Variants in ST3GAL3 observed in about 807,000 individuals in gnomAD.
The protein encoded by ST3GAL3 is CMP-N-acetylneuraminate-beta-1,4-galactoside alpha-2,3-sialyltransferase.
ST3GAL3 carries 21 observed loss-of-function variants against 50.1 expected under a neutral mutation model. The ratio of observed to expected loss-of-function variants is 0.42; its 90% CI spans 0.30 to 0.60. The LOEUF (loss-of-function observed/expected upper bound fraction) is 0.60. ST3GAL3 is among the 20% of genes least tolerant of loss of function. ST3GAL3 has a pLI of 0.19. For missense variants in ST3GAL3, 353 were observed against 489.4 expected (o/e 0.72, Z 2.63); for synonymous variants, 183 against 190.0 (o/e 0.96, Z 0.30).
At chr1:43,763,328 ATTG>A (rs968278955) in intron 2 of ST3GAL3, among the ~76,000 whole-genome samples, 2 of 152,156 alleles carry the variant, frequency 1.3e-5, no homozygotes, top group African/African-American at 4.8e-5. Context: ...AACTTTTATC[ATTG>A]TTGTAAATGG....
intron 11 of ST3GAL3, among the ~76,000 whole-genome samples, chr1:43,927,971 G>C (rs2084310576): frequency 6.6e-6 from 1 of 152,168 alleles, no homozygotes; most frequent in East Asian, 1.9e-4. Flanking sequence ...TTTGTGATTA[G>C]CACAAGAGGT....
At chr1:43,837,121 G>GT (rs1246562623) in intron 4 of ST3GAL3, among the ~76,000 whole-genome samples, 1 of 152,162 alleles carries the variant, frequency 6.6e-6, no homozygotes, top group Non-Finnish European at 1.5e-5. Context: ...AATTTACAGT[G>GT]TATCAAGGGA....
chr1:43,894,607 C>T (rs968300019), intron 6 of ST3GAL3, 130 bp downstream of exon 6: 43 of 841,236 alleles, frequency 5.1e-5, no homozygotes, highest in Middle Eastern at 2.2e-4. Flanking sequence ...AACAAATCTT[C>T]TCTACCTTTT....
At chr1:43,875,004 A>C (rs560967848) in intron 5 of ST3GAL3, among the ~76,000 whole-genome samples, 6 of 152,334 alleles carry the variant, frequency 3.9e-5, no homozygotes, top group Admixed American at 3.3e-4. Context: ...AGACATATTC[A>C]GCTGTGTAGG....
intron 4 of ST3GAL3, among the ~76,000 whole-genome samples, chr1:43,836,578 C>T (rs530561389): frequency 6.6e-6 from 1 of 152,238 alleles, no homozygotes; most frequent in East Asian, 1.9e-4. Flanking sequence ...CTGCAGAAGG[C>T]AGCCTGGAGG....
chr1:43,855,953 CTG>C (rs984202458), intron 5 of ST3GAL3, among the ~76,000 whole-genome samples: 11 of 152,130 alleles, frequency 7.2e-5, no homozygotes, highest in African/African-American at 1.9e-4. Context: ...AACAGGCAAA[CTG>C]TTCATAAAGA....
intron 2 of ST3GAL3, among the ~76,000 whole-genome samples, chr1:43,751,746 A>C (rs1290430558): frequency 6.6e-6 from 1 of 152,200 alleles, no homozygotes; most frequent in Admixed American, 6.5e-5. Context: ...GGATAGAAAG[A>C]TGAATATAGG....
intron 9 of ST3GAL3, among the ~76,000 whole-genome samples, chr1:43,906,635 TC>T (rs1291170124): frequency 7.5e-6 from 1 of 133,808 alleles, no homozygotes; most frequent in Non-Finnish European, 1.7e-5. Context: ...CTGCCACTCT[TC>T]CCCCTCCTCC....
intron 3 of ST3GAL3, among the ~76,000 whole-genome samples, chr1:43,809,028 C>T (rs246776): frequency 0.45 from 68,645 of 151,912 alleles, 15,688 homozygotes; most frequent in Middle Eastern, 0.55. Flanking sequence ...CTCAAAAATA[C>T]TTAAGGAATG....
chr1:43,713,522 A>AT (rs556526111), intron 1 of ST3GAL3, among the ~76,000 whole-genome samples: 38,993 of 122,088 alleles, frequency 0.32, 7,046 homozygotes, highest in East Asian at 0.49. Context: ...ACGTTGTGGG[A>AT]TTTTTTTTTT....
chr1:43,824,953 T>TCTCAGGAAGTTTAC, intron 4 of ST3GAL3: 1 of 716,368 alleles, frequency 1.4e-6, no homozygotes, highest in Non-Finnish European at 2.6e-6. Flanking sequence ...CTGTTTCCTG[T>TCTCAGGAAGTTTAC]CTCAGGAAGT....
chr1:43,725,855 G>A (rs1164664261), intron 1 of ST3GAL3, among the ~76,000 whole-genome samples: 2 of 151,990 alleles, frequency 1.3e-5, no homozygotes, highest in African/African-American at 4.8e-5. Flanking sequence ...ATGTTGCCCA[G>A]GCTAATCTCG....
intron 4 of ST3GAL3, among the ~76,000 whole-genome samples, chr1:43,818,889 A>T (rs534562839): frequency 1.3e-5 from 2 of 152,206 alleles, no homozygotes; most frequent in Non-Finnish European, 2.9e-5. Context: ...AAGGTAAGAC[A>T]TAAGAAATTA....
chr1:43,732,970 A>C (rs1203362257), intron 1 of ST3GAL3, among the ~76,000 whole-genome samples: 1 of 139,550 alleles, frequency 7.2e-6, no homozygotes, highest in Non-Finnish European at 1.5e-5. Context: ...TTGTGACTTC[A>C]TAAAAAATAC....
At chr1:43,882,822 A>G (rs2075356265) in intron 5 of ST3GAL3, among the ~76,000 whole-genome samples, 1 of 151,930 alleles carries the variant, frequency 6.6e-6, no homozygotes, top group Admixed American at 6.6e-5. Flanking sequence ...CTGGGCTTGC[A>G]TGGTTTGTAT....
At chr1:43,845,691 T>G (rs1377568904) in intron 5 of ST3GAL3, among the ~76,000 whole-genome samples, 5 of 152,102 alleles carry the variant, frequency 3.3e-5, no homozygotes, top group Non-Finnish European at 5.9e-5. Context: ...TTAGTTGGAC[T>G]TTAATTTATT....
intron 2 of ST3GAL3, 100 bp from the exon 3 acceptor site, chr1:43,792,002 G>A: frequency 7.0e-7 from 1 of 1,419,550 alleles, no homozygotes; most frequent in Non-Finnish European, 1.0e-6. Context: ...TTCCCTTCCA[G>A]TTGACTCTGC....
At chr1:43,735,281 A>G (rs1489597607) in intron 1 of ST3GAL3, among the ~76,000 whole-genome samples, 1 of 152,198 alleles carries the variant, frequency 6.6e-6, no homozygotes, top group Non-Finnish European at 1.5e-5. Context: ...TCACAGATAT[A>G]ATTAAGGTTT....
At chr1:43,924,640 G>A (rs1392174696) in intron 11 of ST3GAL3, among the ~76,000 whole-genome samples, 1 of 152,212 alleles carries the variant, frequency 6.6e-6, no homozygotes, top group Non-Finnish European at 1.5e-5. Context: ...GCTGCACTTT[G>A]GGCAAGAGAT....
Sources: allele counts gnomAD v4.1 joint callset (sites outside exome capture counted in the v4.1 genomes callset), GRCh38; gene constraint gnomAD v4.1.1; transcripts MANE v1.5; gene names NCBI Gene and HGNC (gene_info 2026-07-23, HGNC 2026-07-21).